The following ASAP3 variants were observed in gnomAD, a reference collection of about 807,000 sequenced individuals.
ASAP3 encodes the protein arf-GAP with SH3 domain, ANK repeat and PH domain-containing protein 3.
In ASAP3, 85 loss-of-function variants were observed where a neutral mutation model predicts 118.2. That is an observed-to-expected ratio of 0.72 (90% CI 0.60 to 0.86). ASAP3 has a LOEUF of 0.86. Among genes scored for constraint, ASAP3 ranks in the 40% least tolerant of loss-of-function variants. The pLI is 0.00. For synonymous variants in ASAP3, 432 were observed against 477.4 expected, an observed-to-expected ratio of 0.90 and a Z score of 1.24; for missense variants, 1,026 against 1,175.0, an observed-to-expected ratio of 0.87 and a Z score of 1.85.
At chr1:23,464,142 C>T (rs1383412094) in intron 1 of ASAP3, among the ~76,000 whole-genome samples, 7 of 149,772 alleles carry the variant, frequency 4.7e-5, no homozygotes, top group Admixed American at 3.3e-4. Flanking sequence ...CAAGACCAGC[C>T]TCGGCAACAA....
intron 5 of ASAP3, among the ~76,000 whole-genome samples, chr1:23,444,681 G>C (rs539198535): frequency 1.3e-5 from 2 of 152,314 alleles, no homozygotes; most frequent in African/African-American, 4.8e-5. Context: ...ATGGTCTACG[G>C]TAAGTTCTCA....
intron 5 of ASAP3, among the ~76,000 whole-genome samples, chr1:23,445,648 T>TG (rs1641025538): frequency 6.6e-6 from 1 of 152,180 alleles, no homozygotes; most frequent in Admixed American, 6.6e-5. Context: ...AATAATAGTA[T>TG]GGCGATATAT....
At chr1:23,483,823 C>A (rs1397263304) in intron 1 of ASAP3, among the ~76,000 whole-genome samples, 182 bp downstream of exon 1, 1 of 152,232 alleles carries the variant, frequency 6.6e-6, no homozygotes, top group Non-Finnish European at 1.5e-5. Flanking sequence ...TCCCTCGGGC[C>A]TTCCCCCGCC....
chr1:23,471,948 C>G (rs987619912), intron 1 of ASAP3, among the ~76,000 whole-genome samples: 1 of 152,116 alleles, frequency 6.6e-6, no homozygotes, highest in African/African-American at 2.4e-5. Flanking sequence ...CCAGACAACA[C>G]GGATGAACCT....
intron 3 of ASAP3, among the ~76,000 whole-genome samples, chr1:23,453,304 T>A (rs1012084705): frequency 6.6e-6 from 1 of 151,828 alleles, no homozygotes; most frequent in Admixed American, 6.6e-5. Context: ...TGTGGTCAGA[T>A]GGGGTAAACG....
rs373017285 is a variant in ASAP3, at chr1:23,456,089, T to C, written c.202+33A>G. ...GGCTGGGGCTGGGAGAGGGGCTTCC[T>C]GACCAGGCGGGGCACCCAGGAGGCT... is the stretch of plus-strand genomic sequence containing the variant. On this transcript the variant is annotated intron_variant, in intron 2 of 24. Transcript: ENST00000336689. The C allele has an allele frequency of 3.1e-5, 50 of 1,614,044 alleles. No individual in the cohort carries two copies. The African/African-American group carries it at 6.5e-4, about 21-fold the overall frequency.
At position 23,464,066 on chromosome 1, in the gene ASAP3, G is replaced by A. The variant is rs150398840; in HGVS notation, c.130-7872C>T. Among the ~76,000 whole-genome samples, 117 of 151,946 alleles carry A rather than the reference G, an allele frequency of 7.7e-4. No individual in the cohort carries two copies. The East Asian group carries it at 0.017, about 22-fold the overall frequency. Reference sequence around the variant, plus strand: ...AGATGAAGGAAAAGCCAGGTGTGGCGGCTCCCTCCTATCATCCCAGCACTT... The same window carrying A: ...AGATGAAGGAAAAGCCAGGTGTGGCAGCTCCCTCCTATCATCCCAGCACTT... On this transcript the variant is annotated intron_variant, in intron 1 of 24. Transcript: ENST00000336689.
At chr1:23,446,005 A>G (rs1641036113) in intron 5 of ASAP3, among the ~76,000 whole-genome samples, 2 of 152,026 alleles carry the variant, frequency 1.3e-5, no homozygotes, top group Admixed American at 1.3e-4. Context: ...AGAAGAAGGA[A>G]TATCTGTACA....
At position 23,431,793 on chromosome 1, in the gene ASAP3, T is replaced by C; in HGVS notation, c.2449A>G (p.Asn817Asp). 1.3e-6 allele frequency: 2 copies of C among 1,546,572 alleles called. No individual in the cohort carries two copies. Among genetic ancestry groups the C allele is most frequent in the Non-Finnish European group, 1.7e-6 (2 of 1,153,764 alleles). ...GGCTCTCGGAGGCCCTCTTCAGAGT[T>C]GGGTGGGGCTTGGCTGGGATCCCCA... ...EPGDPSQAPP[N>D]SEEGLREPPG... The change falls in exon 23 of 25, where the codon AAC (asparagine) becomes GAC (aspartate). Residue 817 changes from asparagine to aspartate, a missense_variant. Coordinates refer to ENST00000336689, the MANE Select transcript of ASAP3 (RefSeq NM_017707.4).
chr1:23,470,506 C>T (rs1048853802), intron 1 of ASAP3, among the ~76,000 whole-genome samples: 13 of 152,252 alleles, frequency 8.5e-5, no homozygotes, highest in Non-Finnish European at 1.5e-4. Context: ...CAGGGCCAGC[C>T]CCAGCCCTGC....
At chr1:23,442,389 C>T in intron 6 of ASAP3, 112 bp downstream of exon 6, 1 of 1,581,418 alleles carries the variant, frequency 6.3e-7, no homozygotes, top group African/African-American at 1.3e-5. Flanking sequence ...TTGGTGACAT[C>T]CCACAGGGCC....
At chr1:23,444,468 G>A (rs1212913621) in intron 5 of ASAP3, among the ~76,000 whole-genome samples, 4 of 152,232 alleles carry the variant, frequency 2.6e-5, no homozygotes, top group Non-Finnish European at 5.9e-5. Context: ...AAGACAGAGT[G>A]GGATTAATAC....
In ASAP3 at chr1:23,440,500, CAAAAAAAAAAAAA is replaced by C. The variant is rs35344912; in HGVS notation, c.944+589_944+601del. 4.1e-4 allele frequency among the ~76,000 whole-genome samples: 10 copies of C among 24,316 alleles called. No individual in the cohort carries two copies. The Admixed American group carries it at 5.0e-3, about 12-fold the overall frequency. The allele number at this position is 24,316 out of a possible 152,430, so 16.0% of individuals were successfully genotyped here. Reference sequence around the variant, plus strand: ...TGGGTGACGGAGGGAGACTCCATCTCAAAAAAAAAAAAAAAAAAAAAAAAAAAAAAGAATGAGG... The same window carrying C: ...TGGGTGACGGAGGGAGACTCCATCTCAAAAAAAAAAAAAAAAAGAATGAGG... On this transcript the variant is annotated intron_variant, in intron 10 of 24. Coordinates refer to ENST00000336689, the MANE Select transcript of ASAP3 (RefSeq NM_017707.4).
chr1:23,482,118 C>T (rs999741130), intron 1 of ASAP3, among the ~76,000 whole-genome samples: 7 of 152,150 alleles, frequency 4.6e-5, no homozygotes, highest in African/African-American at 1.4e-4. Context: ...GGCTAGGCTC[C>T]GTGAGACAAA....
chr1:23,448,246 G>T lies in ASAP3; in HGVS notation c.473+3233C>A, dbSNP rs1641107868. ...GTACAGGTACTCCTGGTGCAGGCAG[G>T]AAAGTATTTAAATACCACACACCCA... On this transcript the variant is annotated intron_variant, in intron 5 of 24. Transcript: ENST00000336689. 2.6e-5 allele frequency among the ~76,000 whole-genome samples: 4 copies of T among 152,148 alleles called. No homozygotes were observed. The South Asian group carries it at 8.3e-4, about 32-fold the overall frequency.
At chr1:23,440,352 T>C (rs1640818964) in intron 10 of ASAP3, among the ~76,000 whole-genome samples, 1 of 127,680 alleles carries the variant, frequency 7.8e-6, no homozygotes, top group Admixed American at 7.9e-5. Flanking sequence ...ATACAAAAAA[T>C]TAGCTGGGCG....
At position 23,428,995 on chromosome 1, in the gene ASAP3, AAG is replaced by A; in HGVS notation, c.*859_*860del. 6.5e-6 allele frequency: 1 copy of A among 154,858 alleles called. No individual in the cohort carries two copies. The highest frequency in any genetic ancestry group is 1.9e-4 in the East Asian group (1 of 5,180). 9.6% of individuals were successfully genotyped at this position (154,858 alleles called of 1,614,324 possible). On this transcript the variant is annotated 3_prime_UTR_variant, in exon 25 of 25. Coordinates refer to ENST00000336689, the MANE Select transcript of ASAP3 (RefSeq NM_017707.4). ...CTCCTGAGTTGACCAAGAGAAAGAG[AAG>A]AGAAGTGGGCATCCATCAACCCTGA...
At chr1:23,455,579 A>G (rs971620347) in intron 3 of ASAP3, among the ~76,000 whole-genome samples, 1 of 152,182 alleles carries the variant, frequency 6.6e-6, no homozygotes, top group Admixed American at 6.5e-5. Flanking sequence ...TCTCTCCTTT[A>G]TCCCAAAGCT....
intron 5 of ASAP3, among the ~76,000 whole-genome samples, chr1:23,447,111 G>C (rs1024610126): frequency 6.6e-5 from 10 of 152,190 alleles, no homozygotes; most frequent in African/African-American, 2.4e-4. Context: ...TCGCTCGCCT[G>C]CCAACGCTCA....
Sources: gnomAD v4.1 joint callset for allele counts (sites outside exome capture counted in the v4.1 genomes callset) on GRCh38, gnomAD v4.1.1 for gene constraint, MANE v1.5 for transcripts, NCBI Gene and HGNC (gene_info 2026-07-23, HGNC 2026-07-21) for gene names.